The following MLXIP variants were observed in gnomAD, a reference collection of about 807,000 sequenced individuals.
MLXIP encodes the protein MLX-interacting protein.
A neutral mutation model predicts 87.2 loss-of-function variants in MLXIP; 30 were observed. The observed-to-expected ratio is 0.34, with a 90% CI of 0.26 to 0.47. The LOEUF (loss-of-function observed/expected upper bound fraction) is 0.47. Among genes scored for constraint, MLXIP ranks in the 20% least tolerant of loss-of-function variants. MLXIP has a pLI of 1.00. For missense variants in MLXIP, 1,002 were observed against 1,240.1 expected (o/e 0.81, Z 2.88); for synonymous variants, 530 against 514.0 (o/e 1.03, Z -0.42).
At chr12:122,126,861 C>A (rs1395178128) in intron 1 of MLXIP, among the ~76,000 whole-genome samples, 2 of 152,184 alleles carry the variant, frequency 1.3e-5, no homozygotes, top group Admixed American at 1.3e-4. Flanking sequence ...ATGTGAATAA[C>A]AATGAACAGC....
At chr12:122,111,605 C>T (rs946007724) in intron 1 of MLXIP, among the ~76,000 whole-genome samples, 2 of 152,140 alleles carry the variant, frequency 1.3e-5, no homozygotes, top group African/African-American at 4.8e-5. Context: ...TGGCAGCTGC[C>T]ATATCAGCTA....
chr12:122,129,142 C>T lies in MLXIP; in HGVS notation c.612C>T (p.Ile204=). ...DVDEHRRPEA[I]TTEGKYWKSR... is the part of the protein sequence containing the mutation. ...GCTCTCTGTCCCTGTCCTAGGCCAT[C>T]ACCACGGAAGGGAAGTACTGGAAGA... Residue 204 remains isoleucine (I), a synonymous_variant, in exon 4 of 17, where the codon ATC becomes ATT. Coordinates refer to ENST00000319080, the MANE Select transcript of MLXIP (RefSeq NM_014938.6). 6.2e-7 allele frequency: 1 copy of T among 1,608,294 alleles called. No homozygotes were observed. Among genetic ancestry groups the T allele is most frequent in the Non-Finnish European group, 8.5e-7 (1 of 1,177,346 alleles).
At position 122,128,954 on chromosome 12, in the gene MLXIP, C is replaced by T. The variant is rs530472401; in HGVS notation, c.607-183C>T. 6.6e-6 allele frequency: 4 copies of T among 610,504 alleles called. No individual in the cohort carries two copies. In the South Asian group the frequency reaches 7.6e-5, roughly 12 times the overall value. The allele number at this position is 610,504 out of a possible 1,614,324, so 37.8% of individuals were successfully genotyped here. ...TCTTGAAATGACAGCGCATTGTTAGCTAGAGGGTCTGCTATAGCATGGAAG... is the reference window on the plus strand; with the variant it reads ...TCTTGAAATGACAGCGCATTGTTAGTTAGAGGGTCTGCTATAGCATGGAAG... On this transcript the variant is annotated intron_variant, in intron 3 of 16. Coordinates refer to ENST00000319080, the MANE Select transcript of MLXIP (RefSeq NM_014938.6).
At chr12:122,122,030 G>A (rs1418849540) in intron 1 of MLXIP, among the ~76,000 whole-genome samples, 6 of 140,968 alleles carry the variant, frequency 4.3e-5, no homozygotes, top group African/African-American at 1.1e-4. Context: ...GAGGGCTAGC[G>A]AATGGGTGAG....
In MLXIP at chr12:122,138,520, G is replaced by A. The variant is rs745558129; in HGVS notation, c.2353G>A (p.Glu785Lys). The A allele has an allele frequency of 2.5e-6, 4 of 1,613,252 alleles. No individual in the cohort carries two copies. The highest frequency in any genetic ancestry group is 2.2e-5 in the South Asian group (2 of 90,978). Reference sequence around the variant, plus strand: ...GCAGGAGGAGGCCCGGCGGCTGCGGGAGGAGATCGAGGAGCTCAATGCCAC... The same window carrying A: ...GCAGGAGGAGGCCCGGCGGCTGCGGAAGGAGATCGAGGAGCTCAATGCCAC... ...QMQEEARRLR[E>K]EIEELNATII... Residue 785 changes from glutamate to lysine, a missense_variant, in exon 14 of 17, where the codon GAG becomes AAG. Glu to Lys is a moderately conservative substitution (Grantham distance 56, BLOSUM62 1). Coordinates refer to ENST00000319080, the MANE Select transcript of MLXIP (RefSeq NM_014938.6).
chr12:122,095,289 TGTG>T lies in MLXIP; in HGVS notation c.413+16024_413+16026del, dbSNP rs1310905686. Among the ~76,000 whole-genome samples the T allele has an allele frequency of 4.7e-5, 7 of 150,136 alleles. No individual in the cohort carries two copies. The South Asian group carries it at 6.2e-4, about 13-fold the overall frequency. On this transcript the variant is annotated intron_variant, in intron 1 of 16. Transcript: ENST00000319080. Reference sequence around the variant, plus strand: ...TGGTGTGTTGGTGTGTGTGGTATGTTGTGTGTGTGGGGGGGTGTGTGTTTGCAG... The same window carrying T: ...TGGTGTGTTGGTGTGTGTGGTATGTTTGTGTGGGGGGGTGTGTGTTTGCAG...
intron 7 of MLXIP, among the ~76,000 whole-genome samples, chr12:122,131,243 G>A (rs1952972437): frequency 6.6e-6 from 1 of 151,964 alleles, no homozygotes; most frequent in African/African-American, 2.4e-5. Context: ...ATGGGTCCTT[G>A]AGCACCTGCC....
intron 1 of MLXIP, among the ~76,000 whole-genome samples, chr12:122,121,905 T>C (rs1156584184): frequency 6.6e-6 from 1 of 152,190 alleles, no homozygotes; most frequent in East Asian, 1.9e-4. Flanking sequence ...GTGTAAAGAT[T>C]GTTCTTCATG....
intron 7 of MLXIP, 39 bp from the exon 8 acceptor site, chr12:122,132,253 G>A (rs1408697375): frequency 1.3e-6 from 2 of 1,491,070 alleles, no homozygotes; most frequent in Non-Finnish European, 1.8e-6. Context: ...CAAATGCTGG[G>A]CACACTGAGC....
intron 7 of MLXIP, among the ~76,000 whole-genome samples, chr12:122,132,043 C>T (rs1341367601): frequency 6.6e-6 from 1 of 151,332 alleles, no homozygotes; most frequent in Non-Finnish European, 1.5e-5. Context: ...CCTGCCTCAG[C>T]CTCCTGAGTA....
intron 1 of MLXIP, among the ~76,000 whole-genome samples, chr12:122,114,112 T>A (rs1393458263): frequency 6.6e-6 from 1 of 151,158 alleles, no homozygotes; most frequent in African/African-American, 2.4e-5. Context: ...CTCAGCCTCC[T>A]AAGTAGCTGG....
At chr12:122,118,395 A>G (rs60695301) in intron 1 of MLXIP, among the ~76,000 whole-genome samples, 6,435 of 152,288 alleles carry the variant, frequency 0.042, 420 homozygotes, top group African/African-American at 0.15. Context: ...AACGGTGTTC[A>G]GTGAACACTC....
Position 122,135,232 on chromosome 12 carries a change from T to A in MLXIP, c.1741T>A (p.Ser581Thr), listed in dbSNP as rs1565986551. The A allele has an allele frequency of 3.0e-5, 48 of 1,613,298 alleles. No individual in the cohort carries two copies. The highest frequency in any genetic ancestry group is 4.0e-5 in the Non-Finnish European group (47 of 1,179,770). ...CCTCCTTATCCTGGCAGCTGCCTTT[T>A]CAGGCCAACCACAAGCGGTGATCAT... is the stretch of plus-strand genomic sequence containing the variant. ...KNARIAPAAF[S>T]GQPQAVIMTS... The change falls in exon 10 of 17, where the codon TCA (serine) becomes ACA (threonine). Residue 581 changes from serine (S) to threonine (T), a missense_variant. Around this residue, in one of 3 missense-constraint regions of MLXIP, gnomAD observed 746 missense variants for 897.0 expected, o/e 0.83. Coordinates refer to ENST00000319080, the MANE Select transcript of MLXIP (RefSeq NM_014938.6). This position sits in a 1 kb window ranked among gnomAD's most constrained non-coding sequence, Gnocchi z 5.3.
intron 14 of MLXIP, 90 bp downstream of exon 14, chr12:122,138,641 C>A: frequency 6.6e-7 from 1 of 1,516,882 alleles, no homozygotes; most frequent in Non-Finnish European, 8.8e-7. Flanking sequence ...GGCCTCATCA[C>A]TGGTCAGTGC....
At chr12:122,108,621 A>G (rs960612361) in intron 1 of MLXIP, among the ~76,000 whole-genome samples, 2 of 152,088 alleles carry the variant, frequency 1.3e-5, no homozygotes, top group African/African-American at 4.8e-5. Context: ...AAAGATCTGC[A>G]GGAAGGAGAA....
At chr12:122,087,791 G>A (rs1174947381) in intron 1 of MLXIP, among the ~76,000 whole-genome samples, 1 of 152,184 alleles carries the variant, frequency 6.6e-6, no homozygotes, top group Non-Finnish European at 1.5e-5. Flanking sequence ...CCAGTTGGGC[G>A]GTTGTGGAGC....
At chr12:122,141,209 G>A (rs1953196563) in intron 16 of MLXIP, 126 bp downstream of exon 16, 1 of 1,358,602 alleles carries the variant, frequency 7.4e-7, no homozygotes, top group Admixed American at 2.6e-5. Flanking sequence ...CAGGGGCACA[G>A]TGCTGTCCAG....
intron 15 of MLXIP, among the ~76,000 whole-genome samples, chr12:122,139,810 A>T (rs1186559026): frequency 1.3e-5 from 2 of 152,194 alleles, no homozygotes; most frequent in African/African-American, 4.8e-5. Flanking sequence ...AGTGGCTGGA[A>T]CTACAGGCTC....
chr12:122,107,166 G>T (rs190614708), intron 1 of MLXIP, among the ~76,000 whole-genome samples: 1 of 152,326 alleles, frequency 6.6e-6, no homozygotes, highest in East Asian at 1.9e-4. Context: ...AGAGCTGATG[G>T]TGCAGGCAGT....
Sources: gnomAD v4.1 joint callset for allele counts (sites outside exome capture counted in the v4.1 genomes callset) on GRCh38, gnomAD v4.1.1 for gene constraint, gnomAD v4.1.1 regional missense constraint, Gnocchi (gnomAD v3.1) non-coding constraint, MANE v1.5 for transcripts, NCBI Gene and HGNC (gene_info 2026-07-23, HGNC 2026-07-21) for gene names.